Variants in PCGF2 observed in about 807,000 individuals in gnomAD.
The protein encoded by PCGF2 is polycomb group ring finger 2.
Under a neutral mutation model 36.1 loss-of-function variants are expected in PCGF2, and 8 were observed. The ratio of observed to expected loss-of-function variants is 0.22; its 90% CI spans 0.13 to 0.40. The LOEUF (loss-of-function observed/expected upper bound fraction) is 0.40. Among genes scored for constraint, PCGF2 ranks in the 10% least tolerant of loss-of-function variants. PCGF2 has a pLI of 1.00. For synonymous variants in PCGF2, 198 were observed against 191.2 expected, an observed-to-expected ratio of 1.04 and a Z score of -0.29; for missense variants, 436 against 475.9, an observed-to-expected ratio of 0.92 and a Z score of 0.78.
chr17:38,749,577 C>T, upstream of PCGF2: 1 of 452,510 alleles, frequency 2.2e-6, no homozygotes, highest in Non-Finnish European at 4.5e-6. The surrounding 1 kb of genome is among the most constrained non-coding windows in gnomAD (Gnocchi z 6.5). Flanking sequence ...CTCCAGAGAG[C>T]TCGATTATCC....
intron 9 of PCGF2, among the ~76,000 whole-genome samples, chr17:38,736,641 T>G (rs1272211997): frequency 6.6e-6 from 1 of 151,996 alleles, no homozygotes; most frequent in Non-Finnish European, 1.5e-5. Context: ...GAGACCATCC[T>G]GGCTAACGTG....
upstream of PCGF2, among the ~76,000 whole-genome samples, chr17:38,749,126 C>A (rs1376425777): frequency 1.3e-5 from 2 of 152,254 alleles, no homozygotes; most frequent in Non-Finnish European, 2.9e-5. The surrounding 1 kb of genome is among the most constrained non-coding windows in gnomAD (Gnocchi z 6.5). Flanking sequence ...AACTCAGGCT[C>A]CGGGTCTGGG....
chr17:38,741,718 A>C (rs1907211739), intron 2 of PCGF2, among the ~76,000 whole-genome samples: 2 of 152,198 alleles, frequency 1.3e-5, no homozygotes, highest in South Asian at 4.1e-4. Flanking sequence ...AGACTCAGGC[A>C]GGGAACAGAG....
At chr17:38,736,289 T>A (rs962041490) in intron 9 of PCGF2, 119 bp from the exon 10 acceptor site, 3 of 690,516 alleles carry the variant, frequency 4.3e-6, no homozygotes, top group Non-Finnish European at 7.9e-6. Flanking sequence ...GTCCCTTATT[T>A]CTCTGGGATT....
chr17:38,736,583 C>T (rs1361500521), intron 9 of PCGF2, among the ~76,000 whole-genome samples: 1 of 152,182 alleles, frequency 6.6e-6, no homozygotes, highest in East Asian at 1.9e-4. Flanking sequence ...GCCTGTAATC[C>T]CAGCACTTTG....
At chr17:38,743,779 C>T (rs1907359007) in intron 2 of PCGF2, among the ~76,000 whole-genome samples, 1 of 152,216 alleles carries the variant, frequency 6.6e-6, no homozygotes, top group South Asian at 2.1e-4. Flanking sequence ...CTCCCCATCT[C>T]CCCACCCCAG....
At chr17:38,743,710 C>A (rs1598020653) in intron 2 of PCGF2, among the ~76,000 whole-genome samples, 1 of 152,228 alleles carries the variant, frequency 6.6e-6, no homozygotes, top group Middle Eastern at 3.4e-3. Flanking sequence ...ACCTGCAGGG[C>A]CCTGCCAGCA....
intron 2 of PCGF2, among the ~76,000 whole-genome samples, chr17:38,747,295 C>A (rs1013245902): frequency 6.6e-6 from 1 of 151,964 alleles, no homozygotes; most frequent in Non-Finnish European, 1.5e-5. Flanking sequence ...AGTAGGAGGG[C>A]GTGCGCAGGG....
rs563031443 is a variant in PCGF2 at position 38,736,080 on chromosome 17, G to A, written c.657+10C>T. 20 of 1,559,954 alleles carry A rather than the reference G, an allele frequency of 1.3e-5. No individual in the cohort carries two copies. Among genetic ancestry groups the A allele is most frequent in the Middle Eastern group, 3.3e-4 (2 of 5,988 alleles). On this transcript the variant is annotated intron_variant, in intron 10 of 10. Coordinates refer to ENST00000620225, the MANE Select transcript of PCGF2 (RefSeq NM_007144.3). The stretch of plus-strand genomic sequence containing the variant: ...AGTCTGCTCCCTGCCCGCCCCACTC[G>A]CTGGCTCACCCGCCGCCAGGGGTAG...
rs1290018319 is a variant in PCGF2 at position 38,735,268 on chromosome 17, C to T, written c.990G>A (p.Gly330=). ...CLQTPSSTSR[G]RKMTVNGAPV... is the part of the protein sequence containing the mutation. ...GAGCGCCGTTGACAGTCATCTTGCG[C>T]CCCCTGCTGGTGGAGGATGGTGTCT... The change falls in exon 11 of 11, where the codon GGG becomes GGA. Residue 330 remains glycine, a synonymous_variant. Coordinates refer to ENST00000620225, the MANE Select transcript of PCGF2 (RefSeq NM_007144.3). 10 of 1,468,154 alleles carry T rather than the reference C, an allele frequency of 6.8e-6. No individual in the cohort carries two copies. The highest frequency in any genetic ancestry group is 1.8e-4 in the Middle Eastern group (1 of 5,550). 90.9% of individuals were successfully genotyped at this position (1,468,154 alleles called of 1,614,324 possible). A position where few individuals can be genotyped will look rare whatever the true frequency, so the allele number is the denominator to read the frequency against.
chr17:38,741,131 T>C (rs993805040), intron 2 of PCGF2, among the ~76,000 whole-genome samples: 1 of 151,592 alleles, frequency 6.6e-6, no homozygotes, highest in Admixed American at 6.6e-5. Flanking sequence ...CTCATGTCTG[T>C]AATCCCAGCA....
Position 38,744,587 on chromosome 17 carries a change from C to T in PCGF2, c.-41+3292G>A, listed in dbSNP as rs367928968. On this transcript the variant is annotated intron_variant, in intron 2 of 10. Transcript: ENST00000620225. ...GCCAGGCTGGTTTCCAACTCCTGGC[C>T]TCAAGTGATCTGCCCGCCTCGGCCT... Among the ~76,000 whole-genome samples the T allele has an allele frequency of 2.3e-4, 35 of 152,244 alleles. No individual in the cohort carries two copies. The East Asian group carries it at 3.3e-3, about 14-fold the overall frequency.
chr17:38,740,560 C>T lies in PCGF2; in HGVS notation c.-40-118G>A, dbSNP rs185671592. 1.1e-3 allele frequency: 700 copies of T among 649,684 alleles called. 3 individuals are homozygous for T. The highest frequency in any genetic ancestry group is 2.1e-3 in the Middle Eastern group (5 of 2,330). The allele number at this position is 649,684 out of a possible 1,614,324, so 40.2% of individuals were successfully genotyped here. A position where few individuals can be genotyped will look rare whatever the true frequency, so the allele number is the denominator to read the frequency against. ...GGATCACGAGGTCAGGAGATTGAGA[C>T]CATCTTGACTAACATGGTGAAACCC... On this transcript the variant is annotated intron_variant, in intron 2 of 10. Coordinates refer to ENST00000620225, the MANE Select transcript of PCGF2 (RefSeq NM_007144.3).
rs1186813888 is a variant in PCGF2 at position 38,736,092 on chromosome 17, G to A, written c.655C>T (p.Arg219Trp). The change falls in exon 10 of 11, where the codon CGG (arginine) becomes TGG (tryptophan). Residue 219 changes from arginine to tryptophan, a missense_variant and splice_region_variant. Coordinates refer to ENST00000620225, the MANE Select transcript of PCGF2 (RefSeq NM_007144.3). ...MDIAYIYPWR[R>W]NGPLPLKYRV... is the part of the protein sequence containing the mutation. ...GCCCGCCCCACTCGCTGGCTCACCCGCCGCCAGGGGTAGATGTAGGCGATG... is the reference window on the plus strand; with the variant it reads ...GCCCGCCCCACTCGCTGGCTCACCCACCGCCAGGGGTAGATGTAGGCGATG... 6 of 1,571,930 alleles carry A rather than the reference G, an allele frequency of 3.8e-6. No individual in the cohort carries two copies. The highest frequency in any genetic ancestry group is 1.2e-5 in the South Asian group (1 of 85,746).
At chr17:38,744,896 T>G (rs374878270) in intron 2 of PCGF2, among the ~76,000 whole-genome samples, 1 of 152,190 alleles carries the variant, frequency 6.6e-6, no homozygotes, top group Non-Finnish European at 1.5e-5. Context: ...TGTCTAGAAC[T>G]GCAGAGGTGA....
At chr17:38,740,256 GC>G (rs770495122) in intron 3 of PCGF2, 34 bp downstream of exon 3, 9 of 1,593,850 alleles carry the variant, frequency 5.6e-6, no homozygotes, top group Admixed American at 1.7e-5. Context: ...CACAGAGGCT[GC>G]CCACCCTGAG....
Position 38,738,521 on chromosome 17 carries a change from G to C in PCGF2, c.480+20C>G. Reference sequence around the variant, plus strand: ...CCCTCCCAGCCCACATTCCAGTCCTGGGCAGGCCCCAGCACTCACTTTCTC... The same window carrying C: ...CCCTCCCAGCCCACATTCCAGTCCTCGGCAGGCCCCAGCACTCACTTTCTC... On this transcript the variant is annotated intron_variant, in intron 8 of 10. Coordinates refer to ENST00000620225, the MANE Select transcript of PCGF2 (RefSeq NM_007144.3). The C allele has an allele frequency of 1.2e-6, 2 of 1,611,052 alleles. No individual in the cohort carries two copies. Among genetic ancestry groups the C allele is most frequent in the Non-Finnish European group, 1.7e-6 (2 of 1,177,960 alleles).
At chr17:38,736,826 T>C (rs1906795402) in intron 9 of PCGF2, among the ~76,000 whole-genome samples, 1 of 146,804 alleles carries the variant, frequency 6.8e-6, no homozygotes, top group South Asian at 2.1e-4. Context: ...AGAGCGAGAC[T>C]CCGTCTCAAA....
chr17:38,738,113 G>A (rs1054306887), intron 9 of PCGF2, among the ~76,000 whole-genome samples: 5 of 152,084 alleles, frequency 3.3e-5, no homozygotes, highest in African/African-American at 9.7e-5. Flanking sequence ...CCACAGTTCC[G>A]AGTGTGCAAC....
Sources: allele counts gnomAD v4.1 joint callset (sites outside exome capture counted in the v4.1 genomes callset), GRCh38; gene constraint gnomAD v4.1.1; non-coding constraint Gnocchi (gnomAD v3.1); transcripts MANE v1.5; gene names NCBI Gene and HGNC (gene_info 2026-07-23, HGNC 2026-07-21).